SYNE1: variants seen among roughly 807,000 people sequenced by gnomAD.
SYNE1 encodes spectrin repeat containing nuclear envelope protein 1, also known as nesprin-1.
SYNE1 carries 616 observed loss-of-function variants against 1,111.0 expected under a neutral mutation model. The observed-to-expected ratio is 0.55, with a 90% confidence interval of 0.52 to 0.59. The LOEUF is 0.59. SYNE1 is among the 20% of genes least tolerant of loss of function. SYNE1 has a pLI of 0.00. For synonymous variants in SYNE1, 3,855 were observed against 3,825.8 expected (o/e 1.01, Z -0.28); for missense variants, 10,006 against 10,417.0 (o/e 0.96, Z 1.72).
At chr6:152,457,958 CCT>C (rs2098706729) in intron 22 of SYNE1, among the ~76,000 whole-genome samples, 2 of 149,962 alleles carry the variant, frequency 1.3e-5, no homozygotes, top group South Asian at 2.1e-4. Flanking sequence ...ATATAAATAT[CCT>C]CTCTGTATAA....
rs2099052029 is a variant in SYNE1, at chr6:152,505,357, T to C, written c.622A>G (p.Arg208Gly). 3.7e-6 allele frequency: 6 copies of C among 1,614,132 alleles called. No homozygotes were observed. The highest frequency in any genetic ancestry group is 5.1e-6 in the Non-Finnish European group (6 of 1,180,022). Residue 208 changes from arginine to glycine, a missense_variant, in exon 9 of 146, where the codon AGA becomes GGA. Arg to Gly is a moderately radical substitution (Grantham distance 125, BLOSUM62 -2). Around this residue, in one of 7 missense-constraint regions of SYNE1, gnomAD observed 1,971 missense variants for 2,084.1 expected, o/e 0.95. Transcript: ENST00000367255. Reference protein sequence around the residue: ...IEVKDFGKSWRSGVAFHSVIH... With the variant: ...IEVKDFGKSWGSGVAFHSVIH... The stretch of plus-strand genomic sequence containing the variant: ...ACTGAATGAAAGGCAACCCCGCTTC[T>C]CCAACTCTTCCCAAAATCTTTTACT...
In SYNE1 at chr6:152,251,535, G is replaced by A. The variant is rs575831667; in HGVS notation, c.19471-2273C>T. On this transcript the variant is annotated intron_variant, in intron 104 of 145. Coordinates refer to ENST00000367255, the MANE Select transcript of SYNE1 (RefSeq NM_182961.4). ...GCACTTTGGGAGGCCGAGGCGGGCG[G>A]ATCACGAGGTCAGGAGATCGAGACC... 2.0e-5 allele frequency among the ~76,000 whole-genome samples: 3 copies of A among 151,912 alleles called. No homozygotes were observed. In the South Asian group the frequency reaches 6.2e-4, roughly 32 times the overall value.
intron 3 of SYNE1, among the ~76,000 whole-genome samples, chr6:152,580,127 A>G (rs1472574283): frequency 6.6e-6 from 1 of 152,176 alleles, no homozygotes; most frequent in Non-Finnish European, 1.5e-5. Context: ...TTACATTCCC[A>G]CCAGCAATGT....
chr6:152,555,313 G>A (rs956529904), intron 3 of SYNE1, among the ~76,000 whole-genome samples: 3 of 152,188 alleles, frequency 2.0e-5, no homozygotes. Flanking sequence ...GTGGTCCCAT[G>A]AAATTATAAT....
chr6:152,411,492 C>T (rs184539850), intron 42 of SYNE1, among the ~76,000 whole-genome samples: 73 of 151,984 alleles, frequency 4.8e-4, no homozygotes, highest in African/African-American at 1.7e-3. Flanking sequence ...AGTCTGTGGG[C>T]GTTTTGATTG....
Position 152,367,327 on chromosome 6 carries a change from C to A in SYNE1, c.9863G>T (p.Gly3288Val). 1 of 1,613,996 alleles carries A rather than the reference C, an allele frequency of 6.2e-7. No individual in the cohort carries two copies. The highest frequency in any genetic ancestry group is 8.5e-7 in the Non-Finnish European group (1 of 1,179,962). The change falls in exon 62 of 146, where the codon GGG becomes GTG. Residue 3288 changes from glycine to valine, a missense_variant. Transcript: ENST00000367255. Reference protein sequence around the residue: ...IVAEHNQFSLGIKELQDWMTD... With the variant: ...IVAEHNQFSLVIKELQDWMTD... ...CATCCAGTCTTGTAATTCTTTAATCCCAAGAGAGAACTGATTGTGTTCTGC... is the reference window on the plus strand; with the variant it reads ...CATCCAGTCTTGTAATTCTTTAATCACAAGAGAGAACTGATTGTGTTCTGC...
intron 127 of SYNE1, among the ~76,000 whole-genome samples, chr6:152,196,244 C>T (rs2153298387): frequency 6.6e-6 from 1 of 152,218 alleles, no homozygotes; most frequent in Non-Finnish European, 1.5e-5. Flanking sequence ...AATTGAGTAC[C>T]CCTGGAGCCT....
chr6:152,293,436 AT>A, intron 95 of SYNE1, 151 bp downstream of exon 95: 1 of 740,308 alleles, frequency 1.4e-6, no homozygotes, highest in Non-Finnish European at 2.3e-6. Flanking sequence ...AATGACCACC[AT>A]TAGGACCCTT....
chr6:152,254,244 C>CTTTTTTTTTTTT (rs773598537), intron 104 of SYNE1, among the ~76,000 whole-genome samples: 2 of 73,144 alleles, frequency 2.7e-5, no homozygotes, highest in Non-Finnish European at 4.7e-5. Context: ...TCTGCATACT[C>CTTTTTTTTTTTT]TTTTTTTTTT....
At chr6:152,527,360 C>T (rs1489002251) in intron 4 of SYNE1, among the ~76,000 whole-genome samples, 1 of 152,118 alleles carries the variant, frequency 6.6e-6, no homozygotes, top group African/African-American at 2.4e-5. Flanking sequence ...ATTTTGTTCT[C>T]ATGCTGTGAA....
intron 47 of SYNE1, among the ~76,000 whole-genome samples, chr6:152,400,568 T>G (rs2097796927): frequency 6.6e-6 from 1 of 151,940 alleles, no homozygotes; most frequent in South Asian, 2.1e-4. Context: ...GAGACTGTGG[T>G]AGAAGAATCA....
intron 78 of SYNE1, among the ~76,000 whole-genome samples, chr6:152,328,805 T>C (rs932667739): frequency 2.0e-5 from 3 of 152,184 alleles, no homozygotes; most frequent in African/African-American, 7.2e-5. Context: ...CCCATTTCTT[T>C]TTGTTATCCC....
At chr6:152,566,269 G>A (rs1049501030) in intron 3 of SYNE1, among the ~76,000 whole-genome samples, 1 of 152,080 alleles carries the variant, frequency 6.6e-6, no homozygotes, top group Non-Finnish European at 1.5e-5. Flanking sequence ...AGAGATGCTG[G>A]CAGGTTTGAG....
chr6:152,465,929 G>T, intron 17 of SYNE1, 53 bp downstream of exon 17: 1 of 1,255,080 alleles, frequency 8.0e-7, no homozygotes, highest in Non-Finnish European at 1.2e-6. Context: ...AAACCTGCAG[G>T]CTCTAAATTC....
intron 76 of SYNE1, among the ~76,000 whole-genome samples, chr6:152,334,507 T>A (rs1163965922): frequency 6.6e-6 from 1 of 152,250 alleles, no homozygotes; most frequent in African/African-American, 2.4e-5. Context: ...TATATTCTTT[T>A]ATTGTACTAT....
At chr6:152,413,303 CATA>C (rs753760214) in intron 42 of SYNE1, 46 bp downstream of exon 42, 5 of 1,597,370 alleles carry the variant, frequency 3.1e-6, no homozygotes, top group East Asian at 2.2e-5. Context: ...CCCAATGTCA[CATA>C]ATAAGTGGGA....
In SYNE1 at chr6:152,158,049, G is replaced by A. The variant is rs537442635; in HGVS notation, c.23791-1952C>T. Reference sequence around the variant, plus strand: ...TGGAATTACAGGTGTGAGCCACTGCGCCTGGCATAGAGCAACTTTTAATGT... The same window carrying A: ...TGGAATTACAGGTGTGAGCCACTGCACCTGGCATAGAGCAACTTTTAATGT... On this transcript the variant is annotated intron_variant, in intron 131 of 145. Transcript: ENST00000367255. 2.0e-3 allele frequency among the ~76,000 whole-genome samples: 302 copies of A among 152,280 alleles called. 1 individual carries two copies. The highest frequency in any genetic ancestry group is 7.1e-3 in the African/African-American group (296 of 41,558).
intron 11 of SYNE1, among the ~76,000 whole-genome samples, chr6:152,491,970 C>A (rs1186806097): frequency 6.6e-6 from 1 of 152,236 alleles, no homozygotes; most frequent in East Asian, 1.9e-4. Context: ...TTTTGTTCCA[C>A]GACTAGCCCT....
rs763138382 is a variant in SYNE1 at position 152,330,307 on chromosome 6, T to C, written c.14378A>G (p.Gln4793Arg). 2.5e-6 allele frequency: 4 copies of C among 1,614,166 alleles called. No individual in the cohort carries two copies. In the Admixed American group the frequency reaches 5.0e-5, roughly 20 times the overall value. The change falls in exon 78 of 146, where the codon CAA becomes CGA. Residue 4793 changes from glutamine (Q) to arginine (R), a missense_variant. Physicochemically the swap from Gln to Arg is conservative, Grantham distance 43. Coordinates refer to ENST00000367255, the MANE Select transcript of SYNE1 (RefSeq NM_182961.4). ...HEKMCQQLERQLKSVKEEQSK... is the reference protein window; with the variant it reads ...HEKMCQQLERRLKSVKEEQSK... Reference sequence around the variant, plus strand: ...CTGCTCCTCTTTTACAGACTTCAGTTGTCTCTCCAGCTGTTGGCACATCTT... The same window carrying C: ...CTGCTCCTCTTTTACAGACTTCAGTCGTCTCTCCAGCTGTTGGCACATCTT...
Sources: gnomAD v4.1 joint callset for allele counts (sites outside exome capture counted in the v4.1 genomes callset) on GRCh38, gnomAD v4.1.1 for gene constraint, gnomAD v4.1.1 regional missense constraint, MANE v1.5 for transcripts, NCBI Gene and HGNC (gene_info 2026-07-23, HGNC 2026-07-21) for gene names.